GRB14: variants seen among roughly 807,000 people sequenced by gnomAD.
GRB14 encodes the protein growth factor receptor-bound protein 14.
In GRB14, 38 loss-of-function variants were observed where a neutral mutation model predicts 69.1. The ratio of observed to expected loss-of-function variants is 0.55; its 90% CI spans 0.42 to 0.72. The LOEUF (loss-of-function observed/expected upper bound fraction) is 0.72, where lower values mean the gene tolerates loss of function less well. Ranked by LOEUF, GRB14 falls within the 30% of genes least tolerant of loss-of-function variation. The pLI is 0.00. For synonymous variants in GRB14, 247 were observed against 241.3 expected (o/e 1.02, Z -0.22); for missense variants, 666 against 666.1 (o/e 1.00, Z 0.00).
chr2:164,517,540 C>T (rs1444208528), intron 6 of GRB14, among the ~76,000 whole-genome samples: 1 of 152,094 alleles, frequency 6.6e-6, no homozygotes, highest in Non-Finnish European at 1.5e-5. Flanking sequence ...CTGTAAATGG[C>T]CTAAATGTTC....
chr2:164,527,202 TATATATATATATATATATAC>T, intron 3 of GRB14, 67 bp from the exon 4 acceptor site: 7 of 254,888 alleles, frequency 2.7e-5, no homozygotes, highest in Middle Eastern at 1.6e-3. Context: ...TATATATATA[TATATATATATATATATATAC>T]ACACACAGAC....
intron 3 of GRB14, among the ~76,000 whole-genome samples, chr2:164,528,683 G>GTTCAACT (rs1450048575): frequency 6.6e-6 from 1 of 151,872 alleles, no homozygotes; most frequent in Non-Finnish European, 1.5e-5. Context: ...TACAATCTTG[G>GTTCAACT]TTCAACTCTT....
chr2:164,508,630 C>A lies in GRB14; in HGVS notation c.928-80G>T. On this transcript the variant is annotated intron_variant, in intron 7 of 13. Coordinates refer to ENST00000263915, the MANE Select transcript of GRB14 (RefSeq NM_004490.3). ...TGTTGAAATAAAAGCCACTAAAATT[C>A]TCCTATATATAAGAGAAAGCTGTCT... 7 of 1,465,946 alleles carry A rather than the reference C, an allele frequency of 4.8e-6. 1 individual carries two copies. The highest frequency in any genetic ancestry group is 2.3e-5 in the South Asian group (2 of 85,918). 90.8% of individuals were successfully genotyped at this position (1,465,946 alleles called of 1,614,324 possible). A position where few individuals can be genotyped will look rare whatever the true frequency, so the allele number is the denominator to read the frequency against.
intron 2 of GRB14, among the ~76,000 whole-genome samples, chr2:164,582,587 A>T (rs944054143): frequency 4.0e-5 from 6 of 151,758 alleles, no homozygotes; most frequent in Admixed American, 2.0e-4. Context: ...TGCCTGGCTA[A>T]TTTTCGTATT....
chr2:164,591,465 G>A (rs1559064824), intron 2 of GRB14, among the ~76,000 whole-genome samples: 1 of 152,136 alleles, frequency 6.6e-6, no homozygotes, highest in South Asian at 2.1e-4. Flanking sequence ...TGCCTTAATA[G>A]TACTGTGTTC....
chr2:164,580,569 T>C (rs1406507067), intron 2 of GRB14, among the ~76,000 whole-genome samples: 1 of 151,942 alleles, frequency 6.6e-6, no homozygotes, highest in Non-Finnish European at 1.5e-5. Flanking sequence ...CCAGGTGTGG[T>C]GGTGTGCACC....
intron 3 of GRB14, among the ~76,000 whole-genome samples, chr2:164,529,998 T>A (rs4667757): frequency 6.6e-6 from 1 of 152,144 alleles, no homozygotes; most frequent in Non-Finnish European, 1.5e-5. Flanking sequence ...ACTGCCCTCA[T>A]GAAGCTTTCA....
At chr2:164,516,738 T>C (rs577428622) in intron 6 of GRB14, among the ~76,000 whole-genome samples, 1 of 152,260 alleles carries the variant, frequency 6.6e-6, no homozygotes, top group Non-Finnish European at 1.5e-5. Context: ...ATCCTCAAAA[T>C]ACACCAAAAT....
intron 2 of GRB14, among the ~76,000 whole-genome samples, chr2:164,575,176 A>T (rs1035614099): frequency 2.6e-5 from 4 of 152,206 alleles, no homozygotes; most frequent in African/African-American, 9.6e-5. Context: ...ATGTGCATGA[A>T]ATCCTTGAAA....
intron 2 of GRB14, among the ~76,000 whole-genome samples, chr2:164,601,348 A>G (rs1206188675): frequency 6.6e-6 from 1 of 152,174 alleles, no homozygotes; most frequent in Non-Finnish European, 1.5e-5. Context: ...AACACTATGG[A>G]GGTAGAGGGA....
intron 12 of GRB14, among the ~76,000 whole-genome samples, chr2:164,495,134 G>A (rs768501963): frequency 6.6e-5 from 10 of 151,944 alleles, no homozygotes; most frequent in Non-Finnish European, 1.5e-4. Flanking sequence ...CAGAGACAGG[G>A]TTTCACCATA....
chr2:164,508,680 C>T (rs538731091), intron 7 of GRB14, 62 bp downstream of exon 7: 10 of 1,466,474 alleles, frequency 6.8e-6, no homozygotes, highest in Non-Finnish European at 9.3e-6. Flanking sequence ...TTAAAGGAAA[C>T]TCAAGCTTAC....
intron 2 of GRB14, among the ~76,000 whole-genome samples, chr2:164,583,451 T>C (rs376082272): frequency 2.0e-5 from 3 of 152,226 alleles, no homozygotes; most frequent in Non-Finnish European, 2.9e-5. Flanking sequence ...TAATGTCCTG[T>C]GACGTAGAAG....
At chr2:164,584,421 T>C (rs75234113) in intron 2 of GRB14, among the ~76,000 whole-genome samples, 120 of 152,180 alleles carry the variant, frequency 7.9e-4, no homozygotes, top group Non-Finnish European at 1.6e-3. Flanking sequence ...TTTATCTTCC[T>C]ATCTGCAAAA....
intron 2 of GRB14, among the ~76,000 whole-genome samples, chr2:164,605,145 T>C (rs139092565): frequency 2.7e-3 from 407 of 152,232 alleles, no homozygotes; most frequent in African/African-American, 9.4e-3. Context: ...ATGTAAGAGA[T>C]GATTTGACCT....
intron 3 of GRB14, among the ~76,000 whole-genome samples, chr2:164,547,350 C>A (rs766350496): frequency 1.9e-4 from 29 of 152,058 alleles, no homozygotes; most frequent in Non-Finnish European, 3.2e-4. Flanking sequence ...ATAAATTTAA[C>A]AATGAGATTG....
chr2:164,553,320 G>A (rs1003149328), intron 2 of GRB14, among the ~76,000 whole-genome samples: 1 of 152,140 alleles, frequency 6.6e-6, no homozygotes, highest in Non-Finnish European at 1.5e-5. Flanking sequence ...TTAGACATAA[G>A]TTGACAAGAA....
chr2:164,515,803 G>GAAA (rs55851742), intron 6 of GRB14, among the ~76,000 whole-genome samples: 15 of 137,862 alleles, frequency 1.1e-4, no homozygotes, highest in African/African-American at 1.9e-4. Flanking sequence ...AACTTAGTGA[G>GAAA]AAAAAAAAAA....
chr2:164,500,404 T>A (rs1687019285), intron 9 of GRB14, among the ~76,000 whole-genome samples: 1 of 152,074 alleles, frequency 6.6e-6, no homozygotes, highest in Non-Finnish European at 1.5e-5. Flanking sequence ...ATTGTTCCTT[T>A]AAAAATATAA....
Sources: allele counts gnomAD v4.1 joint callset (sites outside exome capture counted in the v4.1 genomes callset), GRCh38; gene constraint gnomAD v4.1.1; transcripts MANE v1.5; gene names NCBI Gene and HGNC (gene_info 2026-07-23, HGNC 2026-07-21).